CNTN6: variants seen among roughly 807,000 people sequenced by gnomAD.
CNTN6 encodes contactin-6.
A neutral mutation model predicts 122.8 loss-of-function variants in CNTN6; 137 were observed. The observed-to-expected ratio is 1.12, with a 90% CI of 0.97 to 1.29. CNTN6 has a LOEUF of 1.29. Among genes scored for constraint, CNTN6 ranks in the 50% most tolerant of loss-of-function variants. CNTN6 has a pLI of 0.00. For synonymous variants in CNTN6, 570 were observed against 426.0 expected, an observed-to-expected ratio of 1.34 and a Z score of -4.16; for missense variants, 1,634 against 1,223.4, an observed-to-expected ratio of 1.34 and a Z score of -5.01.
chr3:1,150,257 T>C (rs1303105270), intron 2 of CNTN6, among the ~76,000 whole-genome samples: 1 of 152,240 alleles, frequency 6.6e-6, no homozygotes, highest in African/African-American at 2.4e-5. Context: ...GTTCTGTGAC[T>C]ATGCATAGTG....
chr3:1,352,119 G>A (rs10451994), intron 11 of CNTN6, among the ~76,000 whole-genome samples: 3,167 of 151,816 alleles, frequency 0.021, 129 homozygotes, highest in African/African-American at 0.072. Context: ...TATCAATATC[G>A]TGTCAGAATA....
intron 20 of CNTN6, among the ~76,000 whole-genome samples, chr3:1,387,329 A>C (rs1167957520): frequency 6.6e-6 from 1 of 151,954 alleles, no homozygotes; most frequent in Non-Finnish European, 1.5e-5. Context: ...GTTAACAATG[A>C]AGTTCTATTC....
chr3:1,283,606 C>G (rs770448183), intron 5 of CNTN6, among the ~76,000 whole-genome samples: 1 of 152,120 alleles, frequency 6.6e-6, no homozygotes, highest in Non-Finnish European at 1.5e-5. Flanking sequence ...AATGAAGCAA[C>G]GATACATGTT....
intron 4 of CNTN6, among the ~76,000 whole-genome samples, chr3:1,250,933 TCCC>T (rs2125665080): frequency 1.3e-5 from 2 of 152,016 alleles, no homozygotes; most frequent in African/African-American, 4.8e-5. Flanking sequence ...TGATCCCTCC[TCCC>T]TCATATCTAA....
At chr3:1,136,322 C>G (rs1359624111) in intron 1 of CNTN6, among the ~76,000 whole-genome samples, 1 of 152,126 alleles carries the variant, frequency 6.6e-6, no homozygotes, top group Non-Finnish European at 1.5e-5. Flanking sequence ...CTCTGTTATT[C>G]TTGTCCATGG....
intron 2 of CNTN6, among the ~76,000 whole-genome samples, chr3:1,156,643 T>G (rs2092971152): frequency 6.6e-6 from 1 of 151,858 alleles, no homozygotes. Flanking sequence ...CTTTCTTTCT[T>G]TCTTGCTCTT....
At chr3:1,293,605 A>G (rs1695701132) in intron 5 of CNTN6, among the ~76,000 whole-genome samples, 1 of 152,194 alleles carries the variant, frequency 6.6e-6, no homozygotes, top group Admixed American at 6.5e-5. Context: ...ACAGTTGGCA[A>G]ATAGCAACTC....
intron 12 of CNTN6, among the ~76,000 whole-genome samples, chr3:1,369,051 G>C (rs2126128687): frequency 6.6e-6 from 1 of 152,190 alleles, no homozygotes; most frequent in East Asian, 1.9e-4. Context: ...TTCAGCACAT[G>C]GTTGCACGGA....
intron 2 of CNTN6, among the ~76,000 whole-genome samples, chr3:1,166,340 G>A (rs184175926): frequency 7.4e-4 from 112 of 152,140 alleles, no homozygotes; most frequent in Non-Finnish European, 1.3e-3. Flanking sequence ...AAGAGTACCC[G>A]GGAGTGCTGA....
chr3:1,161,686 G>T (rs1477162572), intron 2 of CNTN6, among the ~76,000 whole-genome samples: 3 of 151,054 alleles, frequency 2.0e-5, no homozygotes, highest in Non-Finnish European at 4.4e-5. Flanking sequence ...ATGTTTTGCA[G>T]ATTTATTCGG....
intron 4 of CNTN6, among the ~76,000 whole-genome samples, chr3:1,269,057 G>A (rs9872414): frequency 0.42 from 63,822 of 151,996 alleles, 15,131 homozygotes; most frequent in African/African-American, 0.64. Context: ...CGTATCATCA[G>A]TAATGTGATT....
At chr3:1,243,297 G>T (rs945550704) in intron 4 of CNTN6, among the ~76,000 whole-genome samples, 14 of 152,174 alleles carry the variant, frequency 9.2e-5, no homozygotes, top group African/African-American at 3.4e-4. Flanking sequence ...GGAGGTTCTG[G>T]GGGAACGCCT....
intron 4 of CNTN6, 61 bp downstream of exon 4, chr3:1,228,054 C>T: frequency 5.4e-6 from 8 of 1,479,264 alleles, no homozygotes; most frequent in South Asian, 1.2e-5. Context: ...TTCTGATACA[C>T]ACATTTTAAA....
chr3:1,156,718 T>A (rs1310157846), intron 2 of CNTN6, among the ~76,000 whole-genome samples: 6 of 151,232 alleles, frequency 4.0e-5, no homozygotes, highest in Admixed American at 3.3e-4. Context: ...CCTTCTTCTT[T>A]CTTTTTCTTT....
At chr3:1,192,528 C>A (rs538724606) in intron 2 of CNTN6, among the ~76,000 whole-genome samples, 40 of 152,258 alleles carry the variant, frequency 2.6e-4, no homozygotes, top group African/African-American at 9.1e-4. Flanking sequence ...ACCCTGTGCT[C>A]ATTGAGCTCC....
chr3:1,372,699 T>C (rs1033892631), intron 13 of CNTN6, 139 bp from the exon 14 acceptor site: 1 of 686,864 alleles, frequency 1.5e-6, no homozygotes, highest in African/African-American at 1.8e-5. Flanking sequence ...AGGGTTTAGA[T>C]ACAAGAAATG....
chr3:1,154,567 C>A (rs1355869291), intron 2 of CNTN6, among the ~76,000 whole-genome samples: 1 of 151,930 alleles, frequency 6.6e-6, no homozygotes, highest in Admixed American at 6.6e-5. Context: ...CCTCAGCCTC[C>A]CAAGTAGCTG....
intron 7 of CNTN6, among the ~76,000 whole-genome samples, chr3:1,318,611 C>T (rs262810): frequency 0.44 from 67,080 of 151,448 alleles, 15,442 homozygotes; most frequent in East Asian, 0.76. Flanking sequence ...TAGCCAAGCT[C>T]GGTATACTGT....
Position 1,140,406 on chromosome 3 carries a change from G to A in CNTN6, c.-82-7521G>A, listed in dbSNP as rs112448124. 9.6e-3 allele frequency among the ~76,000 whole-genome samples: 1,468 copies of A among 152,194 alleles called. 22 individuals carry two copies. The highest frequency in any genetic ancestry group is 0.033 in the African/African-American group (1,386 of 41,518). ...GATCTGCCTTCAAGTCCCAGGTCTCGTTCTAGGTCATGGACTAAATTTTAT... is the reference window on the plus strand; with the variant it reads ...GATCTGCCTTCAAGTCCCAGGTCTCATTCTAGGTCATGGACTAAATTTTAT... On this transcript the variant is annotated intron_variant, in intron 1 of 22. Coordinates refer to ENST00000446702, the MANE Select transcript of CNTN6 (RefSeq NM_001289080.2).
Sources: gnomAD v4.1 joint callset for allele counts (sites outside exome capture counted in the v4.1 genomes callset) on GRCh38, gnomAD v4.1.1 for gene constraint, MANE v1.5 for transcripts, NCBI Gene and HGNC (gene_info 2026-07-23, HGNC 2026-07-21) for gene names.